The following FOXN3 variants were observed in gnomAD, a reference collection of about 807,000 sequenced individuals.
FOXN3 encodes forkhead box protein N3.
Under a neutral mutation model 38.4 loss-of-function variants are expected in FOXN3, and 7 were observed. The observed-to-expected ratio is 0.18, with a 90% CI of 0.10 to 0.34. The LOEUF (loss-of-function observed/expected upper bound fraction) is 0.34, where lower values mean the gene tolerates loss of function less well. Among genes scored for constraint, FOXN3 ranks in the 10% least tolerant of loss-of-function variants. The probability of loss-of-function intolerance (pLI) is 1.00; values close to 1 mark genes in which losing one functional copy is unlikely to be tolerated. For missense variants in FOXN3, 456 were observed against 613.4 expected (o/e 0.74, Z 2.71); for synonymous variants, 230 against 242.2 (o/e 0.95, Z 0.47).
chr14:89,595,488 T>C (rs1896040142), intron 1 of FOXN3, among the ~76,000 whole-genome samples: 1 of 152,198 alleles, frequency 6.6e-6, no homozygotes, highest in Non-Finnish European at 1.5e-5. Flanking sequence ...TGTAAATTCA[T>C]GTTCTGATTA....
At chr14:89,317,896 C>T (rs147762346) in intron 3 of FOXN3, among the ~76,000 whole-genome samples, 195 of 149,882 alleles carry the variant, frequency 1.3e-3, no homozygotes, top group Non-Finnish European at 2.3e-3. Flanking sequence ...GTGAACTGCA[C>T]ATGTGAGGGA....
At position 89,559,323 on chromosome 14, in the gene FOXN3, G is replaced by A. The variant is rs988539604; in HGVS notation, c.-15+59705C>T. Among the ~76,000 whole-genome samples, 7 of 152,230 alleles carry A rather than the reference G, an allele frequency of 4.6e-5. No individual in the cohort carries two copies. The South Asian group carries it at 6.2e-4, about 14-fold the overall frequency. Reference sequence around the variant, plus strand: ...TGAACCCAGGAAGTTGTGCTGCAGTGAGCTTTGATCACCACTGCACTCCAG... The same window carrying A: ...TGAACCCAGGAAGTTGTGCTGCAGTAAGCTTTGATCACCACTGCACTCCAG... On this transcript the variant is annotated intron_variant, in intron 1 of 6. Transcript: ENST00000345097.
intron 1 of FOXN3, among the ~76,000 whole-genome samples, chr14:89,500,836 A>C (rs1374804182): frequency 1.3e-5 from 2 of 152,234 alleles, no homozygotes; most frequent in Non-Finnish European, 2.9e-5. Flanking sequence ...TTGACCAGGA[A>C]GGCCTCACTC....
At chr14:89,438,390 C>G (rs1436795444) in intron 1 of FOXN3, among the ~76,000 whole-genome samples, 1 of 152,182 alleles carries the variant, frequency 6.6e-6, no homozygotes, top group Non-Finnish European at 1.5e-5. Context: ...GAGAGTAGTC[C>G]TAAACGTTTA....
At chr14:89,419,435 C>G (rs1891846054), upstream of FOXN3, 5 of 321,346 alleles carry the variant, frequency 1.6e-5, no homozygotes, top group South Asian at 1.3e-4. Flanking sequence ...CAGAAAGGAC[C>G]CTTGCGTCTT....
At chr14:89,327,944 G>A (rs1264042605) in intron 3 of FOXN3, among the ~76,000 whole-genome samples, 2 of 152,194 alleles carry the variant, frequency 1.3e-5, no homozygotes, top group African/African-American at 4.8e-5. Context: ...TTAGCACACA[G>A]CTAATCAGGG....
chr14:89,351,003 G>C lies in FOXN3; in HGVS notation c.544-195C>G, dbSNP rs1888945849. On this transcript the variant is annotated intron_variant, in intron 2 of 5. Coordinates refer to ENST00000557258, the MANE Select transcript of FOXN3 (RefSeq NM_005197.4). ...AATCTTACTTGTATTATGTTTGATAGGCAAAATGAACATATTATTACCAGG... is the reference window on the plus strand; with the variant it reads ...AATCTTACTTGTATTATGTTTGATACGCAAAATGAACATATTATTACCAGG... 7.7e-6 allele frequency: 3 copies of C among 390,004 alleles called. No individual in the cohort carries two copies. The East Asian group carries it at 1.1e-4, about 15-fold the overall frequency. 24.2% of individuals were successfully genotyped at this position (390,004 alleles called of 1,614,324 possible). A position where few individuals can be genotyped will look rare whatever the true frequency, so the allele number is the denominator to read the frequency against.
At chr14:89,438,089 C>A (rs1367675572) in intron 1 of FOXN3, among the ~76,000 whole-genome samples, 1 of 152,168 alleles carries the variant, frequency 6.6e-6, no homozygotes, top group African/African-American at 2.4e-5. Context: ...AGAACACATT[C>A]TTTAGTAATT....
At chr14:89,239,338 G>A (rs1885074713) in intron 4 of FOXN3, among the ~76,000 whole-genome samples, 1 of 152,192 alleles carries the variant, frequency 6.6e-6, no homozygotes, top group African/African-American at 2.4e-5. Flanking sequence ...GAGATCCAGA[G>A]AGAAAGATCT....
intron 4 of FOXN3, among the ~76,000 whole-genome samples, chr14:89,251,151 C>T (rs1027046056): frequency 1.3e-5 from 2 of 152,200 alleles, no homozygotes; most frequent in African/African-American, 4.8e-5. Context: ...AATGCCCCTA[C>T]TTGTGAGCCA....
chr14:89,292,612 T>A (rs1301404798), intron 3 of FOXN3, among the ~76,000 whole-genome samples: 1 of 152,190 alleles, frequency 6.6e-6, no homozygotes, highest in Admixed American at 6.5e-5. Flanking sequence ...CCTTCTGCCA[T>A]GTGAAGACAC....
At chr14:89,296,104 AC>A (rs1476146924) in intron 3 of FOXN3, among the ~76,000 whole-genome samples, 3 of 152,164 alleles carry the variant, frequency 2.0e-5, no homozygotes, top group African/African-American at 7.2e-5. Flanking sequence ...TTCCTTAGGA[AC>A]AGATAAATAA....
At chr14:89,445,114 A>C (rs1322148500) in intron 1 of FOXN3, among the ~76,000 whole-genome samples, 1 of 151,992 alleles carries the variant, frequency 6.6e-6, no homozygotes, top group Non-Finnish European at 1.5e-5. Flanking sequence ...CGACAGAACA[A>C]GCAGAACAAG....
intron 1 of FOXN3, among the ~76,000 whole-genome samples, chr14:89,616,508 C>T (rs1438769490): frequency 6.6e-6 from 1 of 151,988 alleles, no homozygotes; most frequent in Non-Finnish European, 1.5e-5. Context: ...TCATCCCTCC[C>T]TTTCACTCCC....
At chr14:89,521,011 A>G (rs576900218) in intron 1 of FOXN3, among the ~76,000 whole-genome samples, 2 of 152,172 alleles carry the variant, frequency 1.3e-5, no homozygotes, top group Non-Finnish European at 2.9e-5. Flanking sequence ...AATTTCCTGA[A>G]TGGGTTTAAG....
In FOXN3 at chr14:89,156,500, T is replaced by A. The variant is rs1302446403; in HGVS notation, c.*5914A>T. On this transcript the variant is annotated 3_prime_UTR_variant, in exon 6 of 6. Coordinates refer to ENST00000557258, the MANE Select transcript of FOXN3 (RefSeq NM_005197.4). ...GATATTGGCAGTTTCATACAGAAAA[T>A]ACAGAAAAAAAATTGGCTTTTGAAA... is the stretch of plus-strand genomic sequence containing the variant. 6.6e-6 allele frequency: 1 copy of A among 152,364 alleles called. No homozygotes were observed. Among genetic ancestry groups the A allele is most frequent in the Non-Finnish European group, 1.5e-5 (1 of 68,006 alleles). 9.4% of individuals were successfully genotyped at this position (152,364 alleles called of 1,614,324 possible). A position where few individuals can be genotyped will look rare whatever the true frequency, so the allele number is the denominator to read the frequency against.
upstream of FOXN3, among the ~76,000 whole-genome samples, chr14:89,421,588 G>A (rs191231887): frequency 8.8e-4 from 130 of 148,044 alleles, no homozygotes; most frequent in African/African-American, 2.9e-3. Context: ...GTGCAGTGGC[G>A]CCATCTTGGC....
intron 4 of FOXN3, among the ~76,000 whole-genome samples, chr14:89,253,258 C>A (rs141978099): frequency 6.6e-6 from 1 of 152,158 alleles, no homozygotes; most frequent in Non-Finnish European, 1.5e-5. Context: ...ACCGGCATCG[C>A]GGAAAAGAGC....
At chr14:89,599,606 T>C (rs1896121334) in intron 1 of FOXN3, among the ~76,000 whole-genome samples, 1 of 152,194 alleles carries the variant, frequency 6.6e-6, no homozygotes, top group Non-Finnish European at 1.5e-5. Flanking sequence ...GTGATGTGTC[T>C]ATTATTTCTA....
Sources: gnomAD v4.1 joint callset for allele counts (sites outside exome capture counted in the v4.1 genomes callset) on GRCh38, gnomAD v4.1.1 for gene constraint, MANE v1.5 for transcripts, NCBI Gene and HGNC (gene_info 2026-07-23, HGNC 2026-07-21) for gene names.